The following COMMD1 variants were observed in gnomAD, a reference collection of about 807,000 sequenced individuals.
COMMD1 encodes COMM domain-containing protein 1.
A neutral mutation model predicts 17.2 loss-of-function variants in COMMD1; 10 were observed. That is an observed-to-expected ratio of 0.58 (90% confidence interval 0.36 to 0.99). COMMD1 has a LOEUF of 0.99. COMMD1 is among the 50% of genes least tolerant of loss of function. The pLI, the probability that COMMD1 is intolerant of heterozygous loss-of-function variation, is 0.01. For missense variants in COMMD1, 270 were observed against 231.8 expected (o/e 1.17, Z -1.07); for synonymous variants, 97 against 91.6 (o/e 1.06, Z -0.34).
At chr2:61,903,898 A>G (rs1189830954), upstream of COMMD1, among the ~76,000 whole-genome samples, 2 of 152,150 alleles carry the variant, frequency 1.3e-5, no homozygotes, top group East Asian at 3.9e-4. Flanking sequence ...GAGGTCAGAT[A>G]TATAAGACAT....
chr2:61,913,185 A>C lies in COMMD1; in HGVS notation c.180+7327A>C, dbSNP rs188763175. ...AGTTCGAGGCCACCCTGGCCAACATAATAAAACCCCATCTCTACTAAAAAT... is the reference window on the plus strand; with the variant it reads ...AGTTCGAGGCCACCCTGGCCAACATCATAAAACCCCATCTCTACTAAAAAT... On this transcript the variant is annotated intron_variant, in intron 1 of 2. Coordinates refer to ENST00000311832, the MANE Select transcript of COMMD1 (RefSeq NM_152516.4). 6.8e-4 allele frequency among the ~76,000 whole-genome samples: 103 copies of C among 150,754 alleles called. 2 individuals carry two copies. The East Asian group carries it at 0.02, about 29-fold the overall frequency.
At chr2:62,092,151 G>C (rs1332482553) in intron 2 of COMMD1, among the ~76,000 whole-genome samples, 3 of 152,212 alleles carry the variant, frequency 2.0e-5, no homozygotes, top group African/African-American at 7.2e-5. Context: ...GAATGAACAA[G>C]TAAAACAGTT....
chr2:61,941,330 C>T (rs1670742460), intron 1 of COMMD1, among the ~76,000 whole-genome samples: 1 of 152,084 alleles, frequency 6.6e-6, no homozygotes, highest in South Asian at 2.1e-4. Flanking sequence ...GCCTGGCCTA[C>T]TCCAGTGTTT....
intron 1 of COMMD1, among the ~76,000 whole-genome samples, chr2:61,971,596 A>T (rs1671654022): frequency 6.6e-6 from 1 of 152,036 alleles, no homozygotes; most frequent in Admixed American, 6.6e-5. Flanking sequence ...TAATCAGATT[A>T]TTTGAAGAGA....
chr2:61,924,687 A>G (rs561921347), intron 1 of COMMD1, among the ~76,000 whole-genome samples: 39 of 152,194 alleles, frequency 2.6e-4, no homozygotes, highest in Non-Finnish European at 5.4e-4. Flanking sequence ...CAAAAGTTGT[A>G]AAGTCCCGTT....
intron 2 of COMMD1, among the ~76,000 whole-genome samples, chr2:62,008,691 G>T (rs1271987955): frequency 6.6e-6 from 1 of 152,162 alleles, no homozygotes; most frequent in East Asian, 1.9e-4. Flanking sequence ...TTTCTGATAA[G>T]ATATTCAACT....
At chr2:61,941,819 A>G (rs745834990) in intron 1 of COMMD1, among the ~76,000 whole-genome samples, 1 of 152,206 alleles carries the variant, frequency 6.6e-6, no homozygotes, top group African/African-American at 2.4e-5. Context: ...GTCCCTTACT[A>G]TAAAAGTTTC....
At chr2:62,035,264 T>C (rs958357022) in intron 2 of COMMD1, among the ~76,000 whole-genome samples, 1 of 152,242 alleles carries the variant, frequency 6.6e-6, no homozygotes, top group African/African-American at 2.4e-5. Flanking sequence ...CACAATATAC[T>C]TATTTTCCCT....
chr2:62,105,356 G>A (rs1672302350), intron 2 of COMMD1, among the ~76,000 whole-genome samples: 1 of 151,936 alleles, frequency 6.6e-6, no homozygotes, highest in African/African-American at 2.4e-5. Flanking sequence ...AGATTATTTA[G>A]CGATAATATA....
chr2:61,964,279 G>A (rs1277852827), intron 1 of COMMD1, among the ~76,000 whole-genome samples: 1 of 152,032 alleles, frequency 6.6e-6, no homozygotes, highest in Non-Finnish European at 1.5e-5. Context: ...GGAGTGCAAT[G>A]GTGTGATCAT....
At chr2:62,084,217 C>T (rs1232919413) in intron 2 of COMMD1, among the ~76,000 whole-genome samples, 5 of 152,140 alleles carry the variant, frequency 3.3e-5, no homozygotes, top group East Asian at 1.9e-4. Context: ...AACTCCCCCA[C>T]GCCCAGCATA....
intron 2 of COMMD1, among the ~76,000 whole-genome samples, chr2:62,044,923 G>C (rs1558575484): frequency 1.3e-5 from 2 of 151,474 alleles, no homozygotes; most frequent in Non-Finnish European, 2.9e-5. Context: ...AATTTGATCT[G>C]TGTTACAGAC....
intron 1 of COMMD1, among the ~76,000 whole-genome samples, chr2:61,954,777 G>A (rs1057335513): frequency 1.3e-5 from 2 of 152,050 alleles, no homozygotes; most frequent in African/African-American, 4.8e-5. Context: ...CACCTTCCAG[G>A]TTAAAGCAAT....
intron 1 of COMMD1, among the ~76,000 whole-genome samples, chr2:61,907,963 C>G (rs918412561): frequency 4.6e-5 from 7 of 152,118 alleles, no homozygotes; most frequent in African/African-American, 1.7e-4. Context: ...GCTGGGATTA[C>G]AGGTGTGAGC....
At position 61,960,584 on chromosome 2, in the gene COMMD1, G is replaced by A. The variant is rs574045205; in HGVS notation, c.181-40117G>A. ...TAAGTCCTTGTAGAGCTTGGGTTAT[G>A]CTCCCATTGGGGGCAGTGTTATTTG... On this transcript the variant is annotated intron_variant, in intron 1 of 2. Transcript: ENST00000311832. Among the ~76,000 whole-genome samples the A allele has an allele frequency of 1.1e-4, 16 of 152,270 alleles. No homozygotes were observed. The South Asian group carries it at 3.1e-3, about 30-fold the overall frequency.
At chr2:61,926,241 G>A (rs2105201229) in intron 1 of COMMD1, among the ~76,000 whole-genome samples, 1 of 152,190 alleles carries the variant, frequency 6.6e-6, no homozygotes, top group East Asian at 1.9e-4. Context: ...GAATTGTTGG[G>A]ATTACAGGTG....
At chr2:62,051,780 T>C (rs1253386359) in intron 2 of COMMD1, among the ~76,000 whole-genome samples, 1 of 152,346 alleles carries the variant, frequency 6.6e-6, no homozygotes, top group Admixed American at 6.5e-5. Context: ...TTTTAAAAGC[T>C]GTATGTTCAG....
At chr2:61,968,249 A>T (rs537909450) in intron 1 of COMMD1, among the ~76,000 whole-genome samples, 4 of 152,322 alleles carry the variant, frequency 2.6e-5, no homozygotes, top group Admixed American at 6.5e-5. Context: ...AGGTTGAACC[A>T]TTTGAAATTA....
intron 1 of COMMD1, among the ~76,000 whole-genome samples, chr2:61,956,141 G>A (rs184526646): frequency 2.6e-5 from 4 of 152,336 alleles, no homozygotes; most frequent in Admixed American, 2.0e-4. Context: ...CCTTAGGGGT[G>A]CAACAATGAA....
Sources: gnomAD v4.1 joint callset for allele counts (sites outside exome capture counted in the v4.1 genomes callset) on GRCh38, gnomAD v4.1.1 for gene constraint, MANE v1.5 for transcripts, NCBI Gene and HGNC (gene_info 2026-07-23, HGNC 2026-07-21) for gene names.